ABCB5: variants seen among roughly 807,000 people sequenced by gnomAD.
ABCB5 encodes ATP-binding cassette sub-family B member 5.
Under a neutral mutation model 144.2 loss-of-function variants are expected in ABCB5, and 155 were observed. The observed-to-expected ratio is 1.08, with a 90% CI of 0.94 to 1.23. ABCB5 has a LOEUF of 1.23. Ranked by LOEUF, ABCB5 falls within the 50% of genes most tolerant of loss-of-function variation. The probability of loss-of-function intolerance (pLI) is 0.00; values close to 1 mark genes in which losing one functional copy is unlikely to be tolerated. For synonymous variants in ABCB5, 610 were observed against 528.6 expected (o/e 1.15, Z -2.11); for missense variants, 1,830 against 1,520.8 (o/e 1.20, Z -3.38).
intron 21 of ABCB5, among the ~76,000 whole-genome samples, chr7:20,725,741 A>T (rs1180201512): frequency 6.6e-6 from 1 of 151,764 alleles, no homozygotes; most frequent in Non-Finnish European, 1.5e-5. Flanking sequence ...TTTCCTCAAA[A>T]TTTTTTTATA....
chr7:20,681,728 A>C (rs766641840), intron 15 of ABCB5, 62 bp downstream of exon 15: 3 of 1,531,908 alleles, frequency 2.0e-6, no homozygotes, highest in African/African-American at 1.4e-5. Context: ...ATCATACCAC[A>C]CTAGAAAACA....
At chr7:20,701,510 T>C (rs895401678) in intron 19 of ABCB5, among the ~76,000 whole-genome samples, 3 of 152,226 alleles carry the variant, frequency 2.0e-5, no homozygotes, top group African/African-American at 4.8e-5. Context: ...GTTCATGGAA[T>C]GCTTTTAGTG....
Position 20,713,214 on chromosome 7 carries a change from T to G in ABCB5, c.2421+8407T>G, listed in dbSNP as rs76637152. Among the ~76,000 whole-genome samples, 345 of 149,350 alleles carry G rather than the reference T, an allele frequency of 2.3e-3. 25 individuals carry two copies. Among genetic ancestry groups the G allele is most frequent in the African/African-American group, 8.3e-3 (334 of 40,248 alleles). On this transcript the variant is annotated intron_variant, in intron 20 of 27. Transcript: ENST00000404938. Reference sequence around the variant, plus strand: ...TTTTTATCCTTATCATAGGTCTTATTTTGCCACTTTGCATGCCTGGGAATT... The same window carrying G: ...TTTTTATCCTTATCATAGGTCTTATGTTGCCACTTTGCATGCCTGGGAATT...
intron 3 of ABCB5, among the ~76,000 whole-genome samples, chr7:20,627,983 A>G (rs1388757929): frequency 6.6e-6 from 1 of 152,060 alleles, no homozygotes; most frequent in Non-Finnish European, 1.5e-5. Flanking sequence ...GGTATCTACA[A>G]TTTGTACTGA....
At chr7:20,688,998 A>G (rs879304248) in intron 16 of ABCB5, among the ~76,000 whole-genome samples, 35 of 152,240 alleles carry the variant, frequency 2.3e-4, no homozygotes, top group Non-Finnish European at 4.3e-4. Context: ...GGATAGCATT[A>G]GGAGATATAC....
intron 3 of ABCB5, among the ~76,000 whole-genome samples, chr7:20,627,128 T>G (rs1233989798): frequency 6.6e-6 from 1 of 152,160 alleles, no homozygotes; most frequent in East Asian, 1.9e-4. Flanking sequence ...TTAAGGAGCG[T>G]TTCATGCATG....
At chr7:20,675,982 T>C (rs1236557331) in intron 14 of ABCB5, among the ~76,000 whole-genome samples, 1 of 151,890 alleles carries the variant, frequency 6.6e-6, no homozygotes, top group Non-Finnish European at 1.5e-5. Context: ...ATCTCACACC[T>C]ATTAGGATGA....
chr7:20,621,780 C>T (rs542173788), intron 1 of ABCB5, among the ~76,000 whole-genome samples: 13 of 152,184 alleles, frequency 8.5e-5, no homozygotes, highest in Admixed American at 6.5e-4. Flanking sequence ...CAACGCCTTG[C>T]GTAAAGTATT....
intron 25 of ABCB5, 90 bp downstream of exon 25, chr7:20,743,164 G>C: frequency 7.1e-7 from 1 of 1,402,634 alleles, no homozygotes; most frequent in Non-Finnish European, 9.8e-7. Context: ...ACTGGTTTGG[G>C]TGGGGCAAAC....
intron 20 of ABCB5, among the ~76,000 whole-genome samples, chr7:20,720,899 G>C (rs1007445358): frequency 7.3e-6 from 1 of 136,948 alleles, no homozygotes; most frequent in African/African-American, 2.8e-5. Flanking sequence ...AGTCGAGATC[G>C]CGCCACTGCA....
intron 23 of ABCB5, among the ~76,000 whole-genome samples, chr7:20,735,279 T>C (rs1167799956): frequency 2.0e-5 from 3 of 152,326 alleles, no homozygotes; most frequent in African/African-American, 7.2e-5. Flanking sequence ...AGAAACCACA[T>C]TGTATTTCCA....
In ABCB5 at chr7:20,618,764, C is replaced by CTTTTT. The variant is rs59970398; in HGVS notation, c.-22+2951_-22+2955dup. On this transcript the variant is annotated intron_variant, in intron 1 of 27. Transcript: ENST00000404938. Reference sequence around the variant, plus strand: ...TCATGGCATATATGTGCTGCATTTTCTTTTTTTTTTTTTTTTTTTTTTTTT... The same window carrying CTTTTT: ...TCATGGCATATATGTGCTGCATTTTCTTTTTTTTTTTTTTTTTTTTTTTTTTTTTT... Among the ~76,000 whole-genome samples the CTTTTT allele has an allele frequency of 2.2e-3, 116 of 51,580 alleles. 23 individuals are homozygous for CTTTTT. Among genetic ancestry groups the CTTTTT allele is most frequent in the South Asian group, 6.8e-3 (8 of 1,182 alleles). The allele number at this position is 51,580 out of a possible 152,430, so 33.8% of individuals were successfully genotyped here.
chr7:20,690,137 C>G (rs1212772951), intron 16 of ABCB5, among the ~76,000 whole-genome samples: 1 of 152,182 alleles, frequency 6.6e-6, no homozygotes, highest in Non-Finnish European at 1.5e-5. Context: ...AAAATCACAA[C>G]TTTTTCCCCC....
chr7:20,728,518 C>T lies in ABCB5; in HGVS notation c.2867+63C>T, dbSNP rs983697702. On this transcript the variant is annotated intron_variant, in intron 23 of 27. Coordinates refer to ENST00000404938, the MANE Select transcript of ABCB5 (RefSeq NM_001163941.2). ...CCTGTAATTCCAACACTTTGAGAGG[C>T]TGAGGCGGGTGGATCACTTGAGGTC... The T allele has an allele frequency of 7.7e-6, 12 of 1,561,942 alleles. No individual in the cohort carries two copies. The African/African-American group carries it at 1.6e-4, about 21-fold the overall frequency.
intron 20 of ABCB5, among the ~76,000 whole-genome samples, chr7:20,705,485 CTG>C (rs1786791596): frequency 6.6e-6 from 1 of 152,068 alleles, no homozygotes; most frequent in South Asian, 2.1e-4. Context: ...GGGATCTTAA[CTG>C]AGAAAAGCAG....
Position 20,695,197 on chromosome 7 carries a change from A to C in ABCB5, c.2011-3210A>C, listed in dbSNP as rs138300322. 4.3e-3 allele frequency among the ~76,000 whole-genome samples: 661 copies of C among 152,138 alleles called. 7 individuals are homozygous for C. The highest frequency in any genetic ancestry group is 0.015 in the African/African-American group (608 of 41,578). Reference sequence around the variant, plus strand: ...TACCTATAGAACTATAGTAATCAAAACATTTCAATGGCATACAAATAGACA... The same window carrying C: ...TACCTATAGAACTATAGTAATCAAACCATTTCAATGGCATACAAATAGACA... On this transcript the variant is annotated intron_variant, in intron 16 of 27. Transcript: ENST00000404938.
At chr7:20,733,800 G>C (rs996735049) in intron 23 of ABCB5, among the ~76,000 whole-genome samples, 1 of 151,978 alleles carries the variant, frequency 6.6e-6, no homozygotes, top group Non-Finnish European at 1.5e-5. Flanking sequence ...CACCACACCT[G>C]GCTAATTTCT....
At chr7:20,720,943 CAAAAAAAAA>C (rs71020677) in intron 20 of ABCB5, among the ~76,000 whole-genome samples, 3 of 71,058 alleles carry the variant, frequency 4.2e-5, no homozygotes, top group East Asian at 5.6e-4. Flanking sequence ...AACTCTGCCT[CAAAAAAAAA>C]AAAAAAAAAA....
intron 13 of ABCB5, among the ~76,000 whole-genome samples, chr7:20,654,277 C>G (rs1784696909): frequency 6.6e-6 from 1 of 151,984 alleles, no homozygotes; most frequent in Non-Finnish European, 1.5e-5. Flanking sequence ...TTACAAAAAC[C>G]AGACATGCAA....
Sources: gnomAD v4.1 joint callset for allele counts (sites outside exome capture counted in the v4.1 genomes callset) on GRCh38, gnomAD v4.1.1 for gene constraint, MANE v1.5 for transcripts, NCBI Gene and HGNC (gene_info 2026-07-23, HGNC 2026-07-21) for gene names.